Variants in HSD17B6 observed in about 807,000 individuals in gnomAD.
HSD17B6 encodes 17-beta-hydroxysteroid dehydrogenase type 6.
In HSD17B6, 16 loss-of-function variants were observed where a neutral mutation model predicts 26.4. The ratio of observed to expected loss-of-function variants is 0.61; its 90% CI spans 0.41 to 0.92. The LOEUF is 0.92. Ranked by LOEUF, HSD17B6 falls within the 40% of genes least tolerant of loss-of-function variation. The probability of loss-of-function intolerance (pLI) is 0.00; values close to 1 mark genes in which losing one functional copy is unlikely to be tolerated. For synonymous variants in HSD17B6, 139 were observed against 153.0 expected (o/e 0.91, Z 0.68); for missense variants, 357 against 386.1 (o/e 0.92, Z 0.63).
Position 56,773,969 on chromosome 12 carries a change from G to C in HSD17B6, c.117G>C (p.Ser39=). 6.2e-7 allele frequency: 1 copy of C among 1,614,094 alleles called. No individual in the cohort carries two copies. Among genetic ancestry groups the C allele is most frequent in the South Asian group, 1.1e-5 (1 of 91,070 alleles). ...ATGTCTTTATCACGGGCTGTGACTC[G>C]GGCTTTGGGAACCTGCTGGCCAGAC... ...DKYVFITGCD[S]GFGNLLARQL... Residue 39 remains serine, a synonymous_variant, in exon 2 of 5, where the codon TCG becomes TCC. Transcript: ENST00000322165.
At chr12:56,778,603 C>A (rs930016980) in intron 2 of HSD17B6, among the ~76,000 whole-genome samples, 2 of 150,400 alleles carry the variant, frequency 1.3e-5, no homozygotes, top group East Asian at 4.0e-4. Flanking sequence ...ACTTTTCTTT[C>A]TAGTCCTTCT....
At chr12:56,765,930 C>T (rs1954316993) in intron 1 of HSD17B6, among the ~76,000 whole-genome samples, 1 of 152,158 alleles carries the variant, frequency 6.6e-6, no homozygotes, top group African/African-American at 2.4e-5. Flanking sequence ...ATCACATCCC[C>T]TGTGACCTGC....
At position 56,773,981 on chromosome 12, in the gene HSD17B6, C is replaced by G; in HGVS notation, c.129C>G (p.Asn43Lys). Residue 43 changes from asparagine to lysine, a missense_variant, in exon 2 of 5, where the codon AAC becomes AAG. Physicochemically the swap from Asn to Lys is moderately conservative, Grantham distance 94 (BLOSUM62 0). Coordinates refer to ENST00000322165, the MANE Select transcript of HSD17B6 (RefSeq NM_003725.4). ...CGGGCTGTGACTCGGGCTTTGGGAA[C>G]CTGCTGGCCAGACAGCTGGATGCAC... is the stretch of plus-strand genomic sequence containing the variant. ...FITGCDSGFG[N>K]LLARQLDARG... is the part of the protein sequence containing the mutation. 6.2e-7 allele frequency: 1 copy of G among 1,614,050 alleles called. No individual in the cohort carries two copies. The highest frequency in any genetic ancestry group is 8.5e-7 in the Non-Finnish European group (1 of 1,180,006).
At chr12:56,786,014 G>T in intron 4 of HSD17B6, 1 of 923,112 alleles carries the variant, frequency 1.1e-6, no homozygotes, top group Non-Finnish European at 1.3e-6. Context: ...ACTTCTAATA[G>T]GTACAGGGTT....
At chr12:56,787,044 GT>G (rs1194067939) in intron 4 of HSD17B6, 80 bp from the exon 5 acceptor site, 3 of 1,025,276 alleles carry the variant, frequency 2.9e-6, no homozygotes, top group African/African-American at 3.2e-5. Flanking sequence ...GAAATTAGAT[GT>G]GGTGAGACTT....
intron 1 of HSD17B6, among the ~76,000 whole-genome samples, chr12:56,771,332 CAG>C (rs1954467286): frequency 6.6e-6 from 1 of 151,762 alleles, no homozygotes; most frequent in African/African-American, 2.4e-5. Context: ...TGAACTGACA[CAG>C]AGGAATAATG....
chr12:56,781,347 T>G (rs1235623923), intron 2 of HSD17B6, among the ~76,000 whole-genome samples: 3 of 152,224 alleles, frequency 2.0e-5, no homozygotes, highest in Non-Finnish European at 4.4e-5. Flanking sequence ...TTTGCTACTT[T>G]CTTTCTTCCA....
At chr12:56,776,820 C>G (rs144790686) in intron 2 of HSD17B6, among the ~76,000 whole-genome samples, 4 of 152,120 alleles carry the variant, frequency 2.6e-5, no homozygotes, top group Admixed American at 1.3e-4. Context: ...TCAAGCCTGA[C>G]AGCTCATTTC....
chr12:56,771,171 CT>C (rs1182054016), intron 1 of HSD17B6, among the ~76,000 whole-genome samples: 4 of 152,186 alleles, frequency 2.6e-5, no homozygotes. Flanking sequence ...CTACTACAGT[CT>C]AAAGCTCTTC....
At position 56,775,322 on chromosome 12, in the gene HSD17B6, A is replaced by G. The variant is rs1954568573; in HGVS notation, c.313+1157A>G. Reference sequence around the variant, plus strand: ...AGCCTTGATCTCCTGGGCTCAAGCAATCTTCCTGCCTCACCCTTTCAATTA... The same window carrying G: ...AGCCTTGATCTCCTGGGCTCAAGCAGTCTTCCTGCCTCACCCTTTCAATTA... On this transcript the variant is annotated intron_variant, in intron 2 of 4. Coordinates refer to ENST00000322165, the MANE Select transcript of HSD17B6 (RefSeq NM_003725.4). Among the ~76,000 whole-genome samples, 4 of 152,302 alleles carry G rather than the reference A, an allele frequency of 2.6e-5. No individual in the cohort carries two copies. The South Asian group carries it at 8.3e-4, about 32-fold the overall frequency.
intron 1 of HSD17B6, among the ~76,000 whole-genome samples, chr12:56,771,213 T>C (rs1187555813): frequency 6.6e-6 from 1 of 152,132 alleles, no homozygotes; most frequent in African/African-American, 2.4e-5. Context: ...TCCCCTCTCC[T>C]TCCCGAGGTG....
At chr12:56,770,010 ACAGT>A (rs964678956) in intron 1 of HSD17B6, among the ~76,000 whole-genome samples, 17 of 152,166 alleles carry the variant, frequency 1.1e-4, no homozygotes, top group African/African-American at 3.9e-4. Flanking sequence ...TAGTCAATAA[ACAGT>A]CAGGTTGAAG....
intron 2 of HSD17B6, among the ~76,000 whole-genome samples, chr12:56,781,574 C>T (rs1351722117): frequency 6.6e-6 from 1 of 151,972 alleles, no homozygotes; most frequent in African/African-American, 2.4e-5. Context: ...GAGGCTGAGG[C>T]GGGTGGATCA....
At chr12:56,782,419 C>G (rs916155232) in intron 3 of HSD17B6, among the ~76,000 whole-genome samples, 187 bp downstream of exon 3, 6 of 152,162 alleles carry the variant, frequency 3.9e-5, no homozygotes, top group Non-Finnish European at 8.8e-5. Flanking sequence ...CCTACCATAG[C>G]CAGAATTTGG....
chr12:56,778,151 G>T (rs1372844960), intron 2 of HSD17B6, among the ~76,000 whole-genome samples: 1 of 152,044 alleles, frequency 6.6e-6, no homozygotes, highest in Non-Finnish European at 1.5e-5. Flanking sequence ...TTTTATCTGT[G>T]CCCTTGGTTT....
At chr12:56,767,953 C>T (rs1205123767) in intron 1 of HSD17B6, among the ~76,000 whole-genome samples, 1 of 149,558 alleles carries the variant, frequency 6.7e-6, no homozygotes, top group Non-Finnish European at 1.5e-5. Context: ...ATGTGTGAAA[C>T]CATGTGTGTG....
chr12:56,766,006 G>A (rs1954319008), intron 1 of HSD17B6, among the ~76,000 whole-genome samples: 1 of 152,154 alleles, frequency 6.6e-6, no homozygotes. Context: ...AGCCTCAACT[G>A]ATGACATTCC....
At chr12:56,784,731 T>G in intron 3 of HSD17B6, 122 bp from the exon 4 acceptor site, 2 of 1,023,692 alleles carry the variant, frequency 2.0e-6, no homozygotes, top group Non-Finnish European at 2.9e-6. Flanking sequence ...GAGAGGGAGA[T>G]TTCTTTATTC....
chr12:56,774,540 C>T (rs1163832530), intron 2 of HSD17B6, among the ~76,000 whole-genome samples: 4 of 152,252 alleles, frequency 2.6e-5, no homozygotes, highest in Admixed American at 2.6e-4. Flanking sequence ...GATTCAAGTG[C>T]ATTGCATTTA....
Sources: gnomAD v4.1 joint callset for allele counts (sites outside exome capture counted in the v4.1 genomes callset) on GRCh38, gnomAD v4.1.1 for gene constraint, MANE v1.5 for transcripts, NCBI Gene and HGNC (gene_info 2026-07-23, HGNC 2026-07-21) for gene names.